Variants in CDKL4 observed in about 807,000 individuals in gnomAD.
The protein encoded by CDKL4 is cyclin dependent kinase like 4.
Under a neutral mutation model 42.0 loss-of-function variants are expected in CDKL4, and 44 were observed. That is an observed-to-expected ratio of 1.05 (90% CI 0.82 to 1.35). The LOEUF (loss-of-function observed/expected upper bound fraction) is 1.35, where lower values mean the gene tolerates loss of function less well. CDKL4 is among the 40% of genes most tolerant of loss of function. CDKL4 has a pLI of 0.00. For missense variants in CDKL4, 393 were observed against 369.9 expected (o/e 1.06, Z -0.51); for synonymous variants, 120 against 121.6 (o/e 0.99, Z 0.09).
chr2:39,217,755 TAG>T (rs1325892282), intron 3 of CDKL4, among the ~76,000 whole-genome samples: 1 of 151,272 alleles, frequency 6.6e-6, no homozygotes, highest in African/African-American at 2.4e-5. Flanking sequence ...TTTTTTGAGA[TAG>T]AGTTTCGCTC....
At chr2:39,168,523 G>A in the CDKL4 span, among the ~76,000 whole-genome samples, 1 of 152,022 alleles carries the variant, frequency 6.6e-6, no homozygotes, top group Non-Finnish European at 1.5e-5. Flanking sequence ...ATCACCCAAG[G>A]TCAGGAGTTC....
At chr2:39,230,966 C>T (rs957027711) in intron 1 of CDKL4, among the ~76,000 whole-genome samples, 2 of 152,146 alleles carry the variant, frequency 1.3e-5, no homozygotes, top group Non-Finnish European at 2.9e-5. Flanking sequence ...TCCCAGAACT[C>T]TGGGAGGTCG....
intron 3 of CDKL4, among the ~76,000 whole-genome samples, chr2:39,222,038 T>C (rs541807595): frequency 6.6e-6 from 1 of 152,190 alleles, no homozygotes; most frequent in African/African-American, 2.4e-5. Context: ...CAGTGTAAAA[T>C]GCTCCATGAA....
At chr2:39,240,161 G>A (rs1277330755) in intron 1 of CDKL4, among the ~76,000 whole-genome samples, 3 of 147,080 alleles carry the variant, frequency 2.0e-5, no homozygotes, top group South Asian at 2.2e-4. Context: ...TGTAATCCCA[G>A]CACTTTGGGA....
chr2:39,216,247 T>C (rs1677908149), intron 3 of CDKL4, among the ~76,000 whole-genome samples: 1 of 152,152 alleles, frequency 6.6e-6, no homozygotes, highest in Admixed American at 6.6e-5. Flanking sequence ...GGTCTGAGAT[T>C]AGATAAGGCC....
rs142987791 is a variant in CDKL4 at position 39,221,434 on chromosome 2, C to G, written c.290+4405G>C. 1.5e-3 allele frequency among the ~76,000 whole-genome samples: 231 copies of G among 152,242 alleles called. 2 individuals are homozygous for G. Among genetic ancestry groups the G allele is most frequent in the African/African-American group, 4.9e-3 (204 of 41,542 alleles). The stretch of plus-strand genomic sequence containing the variant: ...GTTGTTTATCTCTGTTTGCTATTCA[C>G]TGGGCTTAGGCCTTTAAAAATACTC... On this transcript the variant is annotated intron_variant, in intron 3 of 9. Coordinates refer to ENST00000451199, the Ensembl canonical transcript of CDKL4.
chr2:39,169,330 G>A, the CDKL4 span, among the ~76,000 whole-genome samples: 6 of 152,122 alleles, frequency 3.9e-5, no homozygotes, highest in Admixed American at 2.0e-4. Flanking sequence ...AATTTAACCT[G>A]TGTTAGATGG....
At chr2:39,172,128 G>C (rs764834516), downstream of CDKL4, among the ~76,000 whole-genome samples, 1 of 151,984 alleles carries the variant, frequency 6.6e-6, no homozygotes, top group Non-Finnish European at 1.5e-5. Context: ...GGCCAACATG[G>C]TGAAACCCCA....
intron 7 of CDKL4, among the ~76,000 whole-genome samples, chr2:39,185,916 C>T (rs1675806388): frequency 6.6e-6 from 1 of 152,142 alleles, no homozygotes; most frequent in Non-Finnish European, 1.5e-5. Flanking sequence ...TGAAATCCTA[C>T]AACAGTGCTA....
chr2:39,220,440 A>T (rs1678233984), intron 3 of CDKL4, among the ~76,000 whole-genome samples: 1 of 152,220 alleles, frequency 6.6e-6, no homozygotes, highest in Non-Finnish European at 1.5e-5. Context: ...AGATTTACAT[A>T]GCAAAAAGAA....
At chr2:39,243,187 CCATAT>C (rs900453771) in intron 1 of CDKL4, among the ~76,000 whole-genome samples, 1 of 18,770 alleles carries the variant, frequency 5.3e-5, no homozygotes. Flanking sequence ...GAAGATCAGG[CCATAT>C]CAGTTAGGGA....
intron 7 of CDKL4, among the ~76,000 whole-genome samples, chr2:39,187,123 T>A (rs1675871719): frequency 6.6e-6 from 1 of 151,988 alleles, no homozygotes; most frequent in Non-Finnish European, 1.5e-5. Flanking sequence ...TCTTATGAGA[T>A]CTGATGGTTT....
At chr2:39,235,650 G>A (rs1206022432) in intron 1 of CDKL4, among the ~76,000 whole-genome samples, 1 of 152,164 alleles carries the variant, frequency 6.6e-6, no homozygotes, top group African/African-American at 2.4e-5. Context: ...AGGAAGCTGA[G>A]GCAGAAGGAT....
At chr2:39,206,123 G>C (rs1254121528) in intron 4 of CDKL4, among the ~76,000 whole-genome samples, 1 of 151,636 alleles carries the variant, frequency 6.6e-6, no homozygotes, top group African/African-American at 2.4e-5. Context: ...GCGCGATCTC[G>C]GCTCACTGCA....
chr2:39,235,031 C>G (rs533842598), intron 1 of CDKL4, among the ~76,000 whole-genome samples: 1 of 151,908 alleles, frequency 6.6e-6, no homozygotes, highest in African/African-American at 2.4e-5. Flanking sequence ...TGGGACCACA[C>G]CTGGTTAATA....
intron 5 of CDKL4, among the ~76,000 whole-genome samples, chr2:39,201,348 G>T (rs985360995): frequency 6.8e-6 from 1 of 147,128 alleles, no homozygotes; most frequent in African/African-American, 2.5e-5. Flanking sequence ...GTGGTGAAAA[G>T]GGAACACTTT....
chr2:39,243,974 T>C (rs1459500224), upstream of CDKL4, among the ~76,000 whole-genome samples: 2 of 152,196 alleles, frequency 1.3e-5, no homozygotes, highest in African/African-American at 4.8e-5. Flanking sequence ...ACCCAGCGAC[T>C]TCGGAGCCAG....
chr2:39,208,847 C>CG (rs1553387041), intron 4 of CDKL4, among the ~76,000 whole-genome samples: 55 of 151,404 alleles, frequency 3.6e-4, no homozygotes, highest in Middle Eastern at 3.2e-3. Context: ...AACAATAAAT[C>CG]ATTTTTTTTA....
chr2:39,232,936 T>A (rs1206164460), intron 1 of CDKL4, among the ~76,000 whole-genome samples: 1 of 147,872 alleles, frequency 6.8e-6, no homozygotes, highest in Admixed American at 6.9e-5. Context: ...TCCCAGCTAC[T>A]CAGGAGGCTG....
Sources: gnomAD v4.1 joint callset for allele counts (sites outside exome capture counted in the v4.1 genomes callset) on GRCh38, gnomAD v4.1.1 for gene constraint, MANE v1.5 for transcripts, NCBI Gene and HGNC (gene_info 2026-07-23, HGNC 2026-07-21) for gene names.